The following SEL1L3 variants were observed in gnomAD, a reference collection of about 807,000 sequenced individuals.
The protein encoded by SEL1L3 is protein sel-1 homolog 3.
In SEL1L3, 76 loss-of-function variants were observed where a neutral mutation model predicts 142.8. The observed-to-expected ratio is 0.53, with a 90% CI of 0.44 to 0.64. The LOEUF is 0.64. Ranked by LOEUF, SEL1L3 falls within the 30% of genes least tolerant of loss-of-function variation. SEL1L3 has a pLI of 0.00. For synonymous variants in SEL1L3, 504 were observed against 519.6 expected (o/e 0.97, Z 0.41); for missense variants, 1,262 against 1,381.7 (o/e 0.91, Z 1.37).
At chr4:25,831,446 C>T (rs1323586363) in intron 5 of SEL1L3, among the ~76,000 whole-genome samples, 1 of 150,426 alleles carries the variant, frequency 6.6e-6, no homozygotes, top group Non-Finnish European at 1.5e-5. Flanking sequence ...AATGCTATCT[C>T]CCTTCTAGGA....
In SEL1L3 at chr4:25,760,157, G is replaced by A. The variant is rs143156860; in HGVS notation, c.2956-1089C>T. 5.5e-3 allele frequency among the ~76,000 whole-genome samples: 831 copies of A among 152,240 alleles called. 8 individuals carry two copies. Among genetic ancestry groups the A allele is most frequent in the African/African-American group, 0.019 (776 of 41,540 alleles). On this transcript the variant is annotated intron_variant, in intron 20 of 23. Coordinates refer to ENST00000399878, the MANE Select transcript of SEL1L3 (RefSeq NM_015187.5). ...GTTCTCATCATTTAGCTCCCACTAAGCGAGAATATGTGGTGTTTGGTTTTC... is the reference window on the plus strand; with the variant it reads ...GTTCTCATCATTTAGCTCCCACTAAACGAGAATATGTGGTGTTTGGTTTTC...
chr4:25,820,050 G>T, intron 7 of SEL1L3, 110 bp from the exon 8 acceptor site: 1 of 1,066,514 alleles, frequency 9.4e-7, no homozygotes, highest in Non-Finnish European at 1.4e-6. Flanking sequence ...ATCTCCAGGT[G>T]GCTCGTTTGT....
At chr4:25,830,537 G>C (rs1393041412) in intron 5 of SEL1L3, among the ~76,000 whole-genome samples, 1 of 152,142 alleles carries the variant, frequency 6.6e-6, no homozygotes, top group Non-Finnish European at 1.5e-5. Flanking sequence ...GCCTTAGGGG[G>C]AAAACAAGAT....
At chr4:25,863,465 C>G, upstream of SEL1L3, 1 of 702,906 alleles carries the variant, frequency 1.4e-6, no homozygotes. Flanking sequence ...CCAGTTCCCG[C>G]CCGTGCAATG....
rs1318245101 is a variant in SEL1L3 at position 25,862,785 on chromosome 4, G to A, written c.52C>T (p.Pro18Ser). 1.7e-6 allele frequency: 2 copies of A among 1,190,334 alleles called. No individual in the cohort carries two copies. The highest frequency in any genetic ancestry group is 3.6e-5 in the East Asian group (1 of 27,474). 73.7% of individuals were successfully genotyped at this position (1,190,334 alleles called of 1,614,324 possible). A position where few individuals can be genotyped will look rare whatever the true frequency, so the allele number is the denominator to read the frequency against. ...LGWPRQQQQQ[P>S]PPLAVGPRAA... ...CGGGGGCCGACCGCGAGCGGCGGGG[G>A]TTGCTGCTGCTGCTGCCGCGGCCAC... Residue 18 changes from proline (P) to serine (S), a missense_variant, in exon 1 of 24, where the codon CCC becomes TCC. Physicochemically the swap from Pro to Ser is moderately conservative, Grantham distance 74. Coordinates refer to ENST00000399878, the MANE Select transcript of SEL1L3 (RefSeq NM_015187.5).
rs561208141 is a variant in SEL1L3, at chr4:25,833,455, C to T, written c.975G>A (p.Thr325=). 1.4e-5 allele frequency: 23 copies of T among 1,610,466 alleles called. No individual in the cohort carries two copies. Among genetic ancestry groups the T allele is most frequent in the Middle Eastern group, 1.7e-4 (1 of 6,050 alleles). Residue 325 remains threonine, a synonymous_variant, in exon 4 of 24, where the codon ACG becomes ACA. Transcript: ENST00000399878. ...EMYGTPSVFL[T]EEGYLHIQMH... ...GTTCTGTTTTATACTCACCCTCTTC[C>T]GTAAGAAATACAGAAGGTGTGCCGT...
intron 11 of SEL1L3, among the ~76,000 whole-genome samples, chr4:25,797,511 G>T (rs1418171944): frequency 3.6e-4 from 55 of 152,196 alleles, no homozygotes; most frequent in Admixed American, 3.6e-3. Flanking sequence ...CAGCTGTAAG[G>T]GTGGAGAGAC....
At chr4:25,808,804 G>T (rs184891484) in intron 9 of SEL1L3, among the ~76,000 whole-genome samples, 64 of 152,348 alleles carry the variant, frequency 4.2e-4, no homozygotes, top group South Asian at 1.2e-3. Context: ...GTGCAGTGGC[G>T]CACGCCTGTA....
At chr4:25,756,005 T>A (rs1194593139) in intron 23 of SEL1L3, 3 of 985,276 alleles carry the variant, frequency 3.0e-6, no homozygotes, top group Admixed American at 1.2e-4. Context: ...TTTTGATGGG[T>A]CCTTGTTAAC....
rs554245887 is a variant in SEL1L3, at chr4:25,759,164, T to A, written c.2956-96A>T. 269 of 1,365,388 alleles carry A rather than the reference T, an allele frequency of 2.0e-4. No homozygotes were observed. The East Asian group carries it at 5.9e-3, about 30-fold the overall frequency. 84.6% of individuals were successfully genotyped at this position (1,365,388 alleles called of 1,614,324 possible). On this transcript the variant is annotated intron_variant, in intron 20 of 23. Transcript: ENST00000399878. ...ATGTAAATGTTTACAACCTCTAAAA[T>A]TTTTTTTAAGTCTCTAGAGCCAGAT...
In SEL1L3 at chr4:25,832,991, A is replaced by T; in HGVS notation, c.1098+4T>A. 6.5e-7 allele frequency: 1 copy of T among 1,538,144 alleles called. No individual in the cohort carries two copies. The highest frequency in any genetic ancestry group is 9.0e-7 in the Non-Finnish European group (1 of 1,110,898). Reference sequence around the variant, plus strand: ...GTCGTGTGATGAAGCGTGCATACAGATACCTGGCCTCCGTTAAAAGAGATA... The same window carrying T: ...GTCGTGTGATGAAGCGTGCATACAGTTACCTGGCCTCCGTTAAAAGAGATA... On this transcript the variant is annotated splice_donor_region_variant and intron_variant, in intron 5 of 23. Transcript: ENST00000399878.
intron 16 of SEL1L3, among the ~76,000 whole-genome samples, chr4:25,777,064 A>G (rs1719685283): frequency 6.6e-6 from 1 of 152,098 alleles, no homozygotes; most frequent in African/African-American, 2.4e-5. Flanking sequence ...AAAATTAAAA[A>G]ATACAAATAC....
chr4:25,790,334 G>A lies in SEL1L3; in HGVS notation c.2076+121C>T, dbSNP rs949293567. The A allele has an allele frequency of 3.2e-6, 3 of 936,740 alleles. No individual in the cohort carries two copies. In the Admixed American group the frequency reaches 6.0e-5, roughly 19 times the overall value. The allele number at this position is 936,740 out of a possible 1,614,324, so 58.0% of individuals were successfully genotyped here. A position where few individuals can be genotyped will look rare whatever the true frequency, so the allele number is the denominator to read the frequency against. The stretch of plus-strand genomic sequence containing the variant: ...TGACAACCCCTATTGGACATGCAGT[G>A]TGAGTGAGAAATAAACTGGCATTAT... On this transcript the variant is annotated intron_variant, in intron 12 of 23. Transcript: ENST00000399878.
At chr4:25,835,171 A>G (rs1189777188) in intron 3 of SEL1L3, 26 bp downstream of exon 3, 1 of 1,613,102 alleles carries the variant, frequency 6.2e-7, no homozygotes, top group South Asian at 1.1e-5. Flanking sequence ...CCGCCCGATC[A>G]GCTCCCTTCT....
chr4:25,718,593 C>T, the SEL1L3 span: 2 of 152,188 alleles, frequency 1.3e-5, no homozygotes, highest in East Asian at 1.9e-4. Flanking sequence ...GTAGCCAATA[C>T]GTGATTTTCG....
At chr4:25,826,688 T>A (rs1345111154) in intron 6 of SEL1L3, among the ~76,000 whole-genome samples, 1 of 152,100 alleles carries the variant, frequency 6.6e-6, no homozygotes, top group Admixed American at 6.5e-5. Flanking sequence ...TTTTGTTTTG[T>A]TTTGTTGTTT....
At chr4:25,784,806 A>G (rs917312172) in intron 13 of SEL1L3, among the ~76,000 whole-genome samples, 1 of 152,220 alleles carries the variant, frequency 6.6e-6, no homozygotes, top group Admixed American at 6.5e-5. Context: ...TGGTTGCCTC[A>G]GATGTAACTA....
At chr4:25,769,259 C>A (rs1718984036) in intron 17 of SEL1L3, among the ~76,000 whole-genome samples, 1 of 152,166 alleles carries the variant, frequency 6.6e-6, no homozygotes, top group South Asian at 2.1e-4. Flanking sequence ...GGCAGGCAAT[C>A]CCTTGGAGAC....
upstream of SEL1L3, chr4:25,863,522 G>T (rs1226287391): frequency 4.3e-6 from 3 of 702,728 alleles, no homozygotes; most frequent in African/African-American, 3.5e-5. Flanking sequence ...TTCCCGCAGG[G>T]CGCAGGGCGA....
Sources: gnomAD v4.1 joint callset for allele counts (sites outside exome capture counted in the v4.1 genomes callset) on GRCh38, gnomAD v4.1.1 for gene constraint, MANE v1.5 for transcripts, NCBI Gene and HGNC (gene_info 2026-07-23, HGNC 2026-07-21) for gene names.